Variants in NR6A1 observed in about 807,000 individuals in gnomAD.
NR6A1 encodes retinoic acid receptor-related testis-associated receptor.
Under a neutral mutation model 59.1 loss-of-function variants are expected in NR6A1, and 7 were observed. The observed-to-expected ratio is 0.12, with a 90% CI of 0.07 to 0.22. The LOEUF is 0.22. Ranked by LOEUF, NR6A1 falls within the 10% of genes least tolerant of loss-of-function variation. The probability of loss-of-function intolerance (pLI) is 1.00; values close to 1 mark genes in which losing one functional copy is unlikely to be tolerated. For synonymous variants in NR6A1, 243 were observed against 236.1 expected, an observed-to-expected ratio of 1.03 and a Z score of -0.27; for missense variants, 468 against 611.6, an observed-to-expected ratio of 0.77 and a Z score of 2.48.
intron 2 of NR6A1, among the ~76,000 whole-genome samples, chr9:124,644,268 CTTCT>C (rs1450138163): frequency 0.026 from 610 of 23,054 alleles, 4 homozygotes; most frequent in African/African-American, 0.081. Context: ...AAGATTAAGT[CTTCT>C]TTTTTTTTTT....
chr9:124,731,395 A>T (rs1056309613), intron 2 of NR6A1, among the ~76,000 whole-genome samples: 1 of 151,450 alleles, frequency 6.6e-6, no homozygotes, highest in African/African-American at 2.4e-5. Context: ...AGAAAGGACC[A>T]TGACTCCAGA....
intron 1 of NR6A1, among the ~76,000 whole-genome samples, chr9:124,744,036 G>A (rs1161619375): frequency 6.6e-6 from 1 of 152,166 alleles, no homozygotes; most frequent in Non-Finnish European, 1.5e-5. Context: ...AAACCAGCCT[G>A]GGCAATATAG....
chr9:124,731,001 T>C (rs1262019612), intron 2 of NR6A1, among the ~76,000 whole-genome samples: 1 of 152,178 alleles, frequency 6.6e-6, no homozygotes, highest in African/African-American at 2.4e-5. Context: ...ATCAACTATC[T>C]AGCATGTTTT....
At chr9:124,636,072 T>C (rs1836602230) in intron 2 of NR6A1, among the ~76,000 whole-genome samples, 1 of 152,256 alleles carries the variant, frequency 6.6e-6, no homozygotes, top group Non-Finnish European at 1.5e-5. Context: ...TGGTTTCTGA[T>C]TGTTGTTTTA....
At chr9:124,702,518 T>C (rs988173365) in intron 2 of NR6A1, among the ~76,000 whole-genome samples, 7 of 152,142 alleles carry the variant, frequency 4.6e-5, no homozygotes, top group African/African-American at 1.7e-4. Context: ...CCAAATCATG[T>C]TGAAATGTGA....
At chr9:124,656,539 A>G (rs1382277436) in intron 2 of NR6A1, among the ~76,000 whole-genome samples, 1 of 152,162 alleles carries the variant, frequency 6.6e-6, no homozygotes, top group African/African-American at 2.4e-5. Context: ...TCAAAAAGCA[A>G]ACAGACAGAG....
At chr9:124,724,718 C>G (rs773177231) in intron 2 of NR6A1, among the ~76,000 whole-genome samples, 2 of 152,172 alleles carry the variant, frequency 1.3e-5, no homozygotes, top group Non-Finnish European at 1.5e-5. Flanking sequence ...TAATAAGAGA[C>G]AAAAAGTTTG....
chr9:124,719,391 T>C (rs544395842), intron 2 of NR6A1, among the ~76,000 whole-genome samples: 25 of 152,326 alleles, frequency 1.6e-4, no homozygotes, highest in African/African-American at 4.3e-4. Flanking sequence ...TTAAATTTTA[T>C]ATTTTTAAAT....
At chr9:124,546,371 C>T (rs1366917683) in intron 3 of NR6A1, among the ~76,000 whole-genome samples, 1 of 152,212 alleles carries the variant, frequency 6.6e-6, no homozygotes, top group African/African-American at 2.4e-5. Context: ...CTTTCTACTA[C>T]TACTATGTAT....
intron 1 of NR6A1, among the ~76,000 whole-genome samples, chr9:124,757,904 T>G (rs372168884): frequency 6.6e-6 from 1 of 152,354 alleles, no homozygotes; most frequent in East Asian, 1.9e-4. Context: ...TTCACACACT[T>G]CGGCTTGCTC....
intron 2 of NR6A1, chr9:124,598,962 T>C: frequency 1.4e-6 from 1 of 717,454 alleles, no homozygotes; most frequent in Non-Finnish European, 2.6e-6. Flanking sequence ...TTACCCACGT[T>C]GGGTTTCAGC....
At chr9:124,561,467 GT>G (rs1834083057) in intron 2 of NR6A1, among the ~76,000 whole-genome samples, 1 of 152,048 alleles carries the variant, frequency 6.6e-6, no homozygotes, top group African/African-American at 2.4e-5. Context: ...AAAAACAACT[GT>G]TTGAGAATGA....
At chr9:124,530,389 G>T (rs1451296540) in intron 7 of NR6A1, among the ~76,000 whole-genome samples, 1 of 152,146 alleles carries the variant, frequency 6.6e-6, no homozygotes, top group African/African-American at 2.4e-5. Context: ...TCTGTTCCAC[G>T]GGCCTGCCTT....
chr9:124,722,443 T>C (rs1359111720), intron 2 of NR6A1, among the ~76,000 whole-genome samples: 2 of 152,172 alleles, frequency 1.3e-5, no homozygotes, highest in Non-Finnish European at 2.9e-5. Flanking sequence ...ATAAATCCAT[T>C]AGAACATGTG....
At chr9:124,611,717 C>A (rs1225982095) in intron 2 of NR6A1, among the ~76,000 whole-genome samples, 1 of 137,604 alleles carries the variant, frequency 7.3e-6, no homozygotes, top group East Asian at 2.1e-4. Context: ...CCACTGTGCT[C>A]CAGGCCTGCA....
intron 2 of NR6A1, among the ~76,000 whole-genome samples, chr9:124,655,025 A>C (rs755278984): frequency 2.6e-5 from 4 of 152,154 alleles, no homozygotes; most frequent in Non-Finnish European, 5.9e-5. Context: ...ATTTACCCAC[A>C]GAAGAGCCTT....
intron 2 of NR6A1, among the ~76,000 whole-genome samples, chr9:124,619,142 T>C (rs1265926495): frequency 3.3e-5 from 5 of 152,130 alleles, no homozygotes; most frequent in African/African-American, 1.2e-4. Flanking sequence ...TCCTGGCATA[T>C]CTATTAACGC....
At chr9:124,685,985 C>A (rs1279966350) in intron 2 of NR6A1, among the ~76,000 whole-genome samples, 1 of 152,176 alleles carries the variant, frequency 6.6e-6, no homozygotes, top group East Asian at 1.9e-4. Context: ...TGGAAAAACT[C>A]AACTATCTGC....
chr9:124,702,586 C>T (rs1015323839), intron 2 of NR6A1, among the ~76,000 whole-genome samples: 4 of 151,974 alleles, frequency 2.6e-5, no homozygotes, highest in South Asian at 2.1e-4. Context: ...GGGTAGATCC[C>T]TCATGAATGG....
Sources: allele counts gnomAD v4.1 joint callset (sites outside exome capture counted in the v4.1 genomes callset), GRCh38; gene constraint gnomAD v4.1.1; transcripts MANE v1.5; gene names NCBI Gene and HGNC (gene_info 2026-07-23, HGNC 2026-07-21).